Variants in GABRB1 observed in about 807,000 individuals in gnomAD.
The protein encoded by GABRB1 is gamma-aminobutyric acid receptor subunit beta-1.
A neutral mutation model predicts 51.6 loss-of-function variants in GABRB1; 17 were observed. That is an observed-to-expected ratio of 0.33 (90% CI 0.23 to 0.49). The LOEUF is 0.49. Ranked by LOEUF, GABRB1 falls within the 20% of genes least tolerant of loss-of-function variation. The probability of loss-of-function intolerance (pLI) is 0.99; values close to 1 mark genes in which losing one functional copy is unlikely to be tolerated. For missense variants in GABRB1, 410 were observed against 600.6 expected (o/e 0.68, Z 3.32); for synonymous variants, 247 against 218.9 (o/e 1.13, Z -1.14).
chr4:47,347,671 A>AAT (rs937618627), intron 5 of GABRB1, among the ~76,000 whole-genome samples: 1 of 152,278 alleles, frequency 6.6e-6, no homozygotes, highest in Admixed American at 6.5e-5. Context: ...TACATTTGCA[A>AAT]ATATATATAT....
At chr4:47,340,639 A>G (rs1026406618) in intron 5 of GABRB1, among the ~76,000 whole-genome samples, 3 of 152,086 alleles carry the variant, frequency 2.0e-5, no homozygotes, top group Admixed American at 1.3e-4. Context: ...TCACTAGGGA[A>G]GAGCCCTCAT....
At chr4:47,005,252 AC>A (rs1405195182) in intron 1 of GABRB1, among the ~76,000 whole-genome samples, 1 of 152,198 alleles carries the variant, frequency 6.6e-6, no homozygotes, top group Non-Finnish European at 1.5e-5. Context: ...CCCCGTCTCT[AC>A]TAAAAATACA....
At chr4:47,191,769 T>C (rs1400399170) in intron 4 of GABRB1, among the ~76,000 whole-genome samples, 8 of 152,116 alleles carry the variant, frequency 5.3e-5, no homozygotes, top group Non-Finnish European at 1.2e-4. Context: ...TTATATATTT[T>C]AGCATTTCTG....
At chr4:47,029,920 C>T (rs867893644), upstream of GABRB1, among the ~76,000 whole-genome samples, 2 of 152,116 alleles carry the variant, frequency 1.3e-5, no homozygotes, top group African/African-American at 4.8e-5. Flanking sequence ...CTATATAGCA[C>T]AATAATGTCT....
At chr4:47,254,361 G>GTTTTTT (rs56838956) in intron 4 of GABRB1, among the ~76,000 whole-genome samples, 19 of 80,964 alleles carry the variant, frequency 2.3e-4, no homozygotes, top group East Asian at 3.8e-4. Flanking sequence ...TCTTTTCTTT[G>GTTTTTT]TTTTTTTTTT....
At chr4:46,999,446 G>A (rs754581993) in intron 1 of GABRB1, among the ~76,000 whole-genome samples, 24 of 152,086 alleles carry the variant, frequency 1.6e-4, no homozygotes, top group Non-Finnish European at 3.1e-4. Flanking sequence ...AATATGTTAC[G>A]TTGTTTGTAA....
At chr4:47,330,772 A>G (rs750617761) in intron 5 of GABRB1, among the ~76,000 whole-genome samples, 10 of 152,218 alleles carry the variant, frequency 6.6e-5, no homozygotes, top group Non-Finnish European at 1.5e-4. Context: ...TATCTCAAAT[A>G]TTAATTCTAA....
chr4:47,032,329 T>A, intron 2 of GABRB1, 88 bp from the exon 3 acceptor site: 1 of 1,212,134 alleles, frequency 8.2e-7, no homozygotes, highest in Non-Finnish European at 1.2e-6. Flanking sequence ...CCGTTAAGAA[T>A]GGAGTAAGGG....
chr4:47,122,520 C>G (rs1367572144), intron 3 of GABRB1, among the ~76,000 whole-genome samples: 1 of 152,058 alleles, frequency 6.6e-6, no homozygotes, highest in Admixed American at 6.5e-5. Flanking sequence ...ATGGAAGCAC[C>G]AACTTCAGAA....
At chr4:47,084,938 T>C (rs1728001371) in intron 3 of GABRB1, among the ~76,000 whole-genome samples, 1 of 152,192 alleles carries the variant, frequency 6.6e-6, no homozygotes, top group Non-Finnish European at 1.5e-5. Flanking sequence ...TTCTTTTTAC[T>C]TTAGTTTTGT....
chr4:47,051,866 C>G (rs973878103), intron 3 of GABRB1, among the ~76,000 whole-genome samples: 3 of 152,126 alleles, frequency 2.0e-5, no homozygotes, highest in Non-Finnish European at 4.4e-5. Flanking sequence ...ACATGACTCA[C>G]GCCCGTAATC....
intron 5 of GABRB1, among the ~76,000 whole-genome samples, chr4:47,385,427 G>A (rs187179927): frequency 1.1e-4 from 17 of 152,240 alleles, no homozygotes; most frequent in African/African-American, 2.6e-4. Context: ...GGGAGGTGCC[G>A]AGAATTGAGA....
intron 5 of GABRB1, among the ~76,000 whole-genome samples, chr4:47,363,594 T>C (rs181930821): frequency 1.2e-4 from 19 of 152,238 alleles, no homozygotes; most frequent in Admixed American, 1.2e-3. Context: ...TATGATCTGG[T>C]CCCCTGGTTA....
intron 3 of GABRB1, among the ~76,000 whole-genome samples, chr4:47,119,204 A>G (rs1191663505): frequency 1.3e-5 from 2 of 152,172 alleles, no homozygotes; most frequent in Non-Finnish European, 2.9e-5. Flanking sequence ...ACTGTTTAAT[A>G]AAATGTGCTG....
Position 47,161,378 on chromosome 4 carries a change from C to G in GABRB1, c.370C>G (p.Leu124Val). The G allele has an allele frequency of 6.2e-7, 1 of 1,612,908 alleles. No individual in the cohort carries two copies. The highest frequency in any genetic ancestry group is 8.5e-7 in the Non-Finnish European group (1 of 1,179,298). Residue 124 changes from leucine to valine, a missense_variant, in exon 4 of 9, where the codon CTG becomes GTG. Around this residue, in one of 5 missense-constraint regions of GABRB1, gnomAD observed 100 missense variants for 184.3 expected, o/e 0.54. Transcript: ENST00000295454. ...ACTCTGGGTACCAGACACCTACTTT[C>G]TGAATGACAAGAAATCATTTGTGCA... ...DQLWVPDTYFLNDKKSFVHGV... is the reference protein window; with the variant it reads ...DQLWVPDTYFVNDKKSFVHGV...
intron 3 of GABRB1, among the ~76,000 whole-genome samples, chr4:47,090,180 G>T (rs902722756): frequency 6.6e-6 from 1 of 152,150 alleles, no homozygotes; most frequent in Non-Finnish European, 1.5e-5. Context: ...TTGAAAATAA[G>T]TTGTTTACTT....
At chr4:47,231,717 C>A (rs1007791026) in intron 4 of GABRB1, among the ~76,000 whole-genome samples, 1 of 152,134 alleles carries the variant, frequency 6.6e-6, no homozygotes, top group African/African-American at 2.4e-5. Flanking sequence ...GTGCTTACAC[C>A]ATGCCTGGAA....
At chr4:47,118,616 G>A (rs548061887) in intron 3 of GABRB1, among the ~76,000 whole-genome samples, 41 of 152,156 alleles carry the variant, frequency 2.7e-4, no homozygotes, top group African/African-American at 9.2e-4. Flanking sequence ...GTGTGACCGC[G>A]GATGAAATAC....
At chr4:47,006,356 G>A (rs1242495510) in intron 1 of GABRB1, among the ~76,000 whole-genome samples, 1 of 151,980 alleles carries the variant, frequency 6.6e-6, no homozygotes, top group African/African-American at 2.4e-5. Context: ...ATAATACAGA[G>A]TGCATATTCC....
Sources: gnomAD v4.1 joint callset for allele counts (sites outside exome capture counted in the v4.1 genomes callset) on GRCh38, gnomAD v4.1.1 for gene constraint, gnomAD v4.1.1 regional missense constraint, MANE v1.5 for transcripts, NCBI Gene and HGNC (gene_info 2026-07-23, HGNC 2026-07-21) for gene names.